The following MR1 variants were observed in gnomAD, a reference collection of about 807,000 sequenced individuals.
MR1 encodes major histocompatibility complex class I-related protein 1.
Under a neutral mutation model 37.8 loss-of-function variants are expected in MR1, and 44 were observed. The ratio of observed to expected loss-of-function variants is 1.16; its 90% CI spans 0.91 to 1.50. MR1 has a LOEUF of 1.50. Ranked by LOEUF, MR1 falls within the 40% of genes most tolerant of loss-of-function variation. The pLI, the probability that MR1 is intolerant of heterozygous loss-of-function variation, is 0.00. For synonymous variants in MR1, 153 were observed against 155.8 expected (o/e 0.98, Z 0.13); for missense variants, 386 against 419.1 (o/e 0.92, Z 0.69).
In MR1 at chr1:181,049,106, T is replaced by C. The variant is rs748756797; in HGVS notation, c.122T>C (p.Val41Ala). 2.5e-6 allele frequency: 4 copies of C among 1,613,922 alleles called. No homozygotes were observed. Among genetic ancestry groups the C allele is most frequent in the African/African-American group, 2.7e-5 (2 of 74,908 alleles). ...GGCGTTTCGGATCCCATCCATGGGG[T>C]CCCTGAATTTATTTCGGTTGGGTAC... is the stretch of plus-strand genomic sequence containing the variant. ...RLGVSDPIHG[V>A]PEFISVGYVD... The change falls in exon 2 of 6, where the codon GTC becomes GCC. Residue 41 changes from valine (V) to alanine (A), a missense_variant. Physicochemically the swap from Val to Ala is moderately conservative, Grantham distance 64. Transcript: ENST00000367580.
upstream of MR1, chr1:181,033,743 T>A (rs997257853): frequency 2.9e-6 from 1 of 343,110 alleles, no homozygotes; most frequent in Non-Finnish European, 5.3e-6. Flanking sequence ...TGAACATGAC[T>A]ATGCTCCATA....
chr1:181,036,179 C>T (rs1479051317), intron 1 of MR1, among the ~76,000 whole-genome samples: 1 of 152,128 alleles, frequency 6.6e-6, no homozygotes, highest in East Asian at 1.9e-4. Flanking sequence ...CTGAATAACC[C>T]CTTCTTCATG....
At chr1:181,045,518 C>A (rs1657804184) in intron 1 of MR1, among the ~76,000 whole-genome samples, 1 of 152,086 alleles carries the variant, frequency 6.6e-6, no homozygotes, top group South Asian at 2.1e-4. Flanking sequence ...CCCTGCTCCC[C>A]CTGCCCGCCC....
intron 5 of MR1, among the ~76,000 whole-genome samples, chr1:181,054,232 C>T (rs1658482610): frequency 6.6e-6 from 1 of 152,162 alleles, no homozygotes; most frequent in Non-Finnish European, 1.5e-5. Flanking sequence ...TGTGGAATAA[C>T]ATAAATTCAT....
intron 1 of MR1, among the ~76,000 whole-genome samples, chr1:181,041,124 G>C (rs151042464): frequency 1.4e-5 from 2 of 146,990 alleles, no homozygotes; most frequent in Non-Finnish European, 3.0e-5. Flanking sequence ...AATAAATAAA[G>C]CACAATACTT....
At chr1:181,040,294 G>T (rs1657491145) in intron 1 of MR1, among the ~76,000 whole-genome samples, 1 of 152,196 alleles carries the variant, frequency 6.6e-6, no homozygotes, top group Non-Finnish European at 1.5e-5. Flanking sequence ...TAGATCAAAT[G>T]ATATGAAATT....
chr1:181,049,529 A>T, intron 2 of MR1: 1 of 582,704 alleles, frequency 1.7e-6, no homozygotes, highest in South Asian at 2.2e-5. Flanking sequence ...TGCCCCACCC[A>T]CTCTTCCCCA....
chr1:181,040,453 T>A (rs1291308757), intron 1 of MR1, among the ~76,000 whole-genome samples: 1 of 152,204 alleles, frequency 6.6e-6, no homozygotes, highest in African/African-American at 2.4e-5. Flanking sequence ...TTTCCTCATC[T>A]TTTCTGTTGT....
At chr1:181,052,739 A>C (rs1013213849) in intron 4 of MR1, among the ~76,000 whole-genome samples, 2 of 152,188 alleles carry the variant, frequency 1.3e-5, no homozygotes, top group African/African-American at 4.8e-5. Context: ...GGTTATATCT[A>C]TTGCTATTTA....
chr1:181,049,377 G>A, intron 2 of MR1, 65 bp downstream of exon 2: 8 of 1,533,398 alleles, frequency 5.2e-6, no homozygotes, highest in Non-Finnish European at 7.0e-6. Flanking sequence ...CCCCTGGGCT[G>A]GCCTCCAATA....
At chr1:181,045,905 G>A (rs1657830106) in intron 1 of MR1, among the ~76,000 whole-genome samples, 2 of 152,242 alleles carry the variant, frequency 1.3e-5, no homozygotes, top group South Asian at 2.1e-4. Flanking sequence ...GTGGGCGTGG[G>A]CTTGGCGGGC....
At chr1:181,040,529 A>C (rs1450476280) in intron 1 of MR1, among the ~76,000 whole-genome samples, 1 of 152,200 alleles carries the variant, frequency 6.6e-6, no homozygotes, top group South Asian at 2.1e-4. Flanking sequence ...TTAAAGGCCC[A>C]GCTAAGGAGC....
intron 1 of MR1, among the ~76,000 whole-genome samples, chr1:181,045,209 G>T (rs1431602737): frequency 1.3e-5 from 2 of 152,194 alleles, no homozygotes; most frequent in African/African-American, 4.8e-5. Flanking sequence ...GGGTTTTGAG[G>T]ACTGGGAAGG....
intron 1 of MR1, among the ~76,000 whole-genome samples, chr1:181,038,560 A>G (rs966293596): frequency 7.2e-5 from 11 of 152,240 alleles, no homozygotes; most frequent in Non-Finnish European, 1.5e-4. Context: ...GAAGGTCTGG[A>G]GCCTGTGGCC....
intron 1 of MR1, among the ~76,000 whole-genome samples, chr1:181,040,866 T>G (rs779633718): frequency 6.6e-6 from 1 of 151,436 alleles, no homozygotes; most frequent in Non-Finnish European, 1.5e-5. Flanking sequence ...GGGGGAATCA[T>G]GAGGTAGGAG....
intron 1 of MR1, 142 bp downstream of exon 1, chr1:181,034,216 C>T: frequency 1.6e-6 from 1 of 643,244 alleles, no homozygotes; most frequent in Admixed American, 3.7e-5. Context: ...ACTCCAGGAG[C>T]AATGGATTGC....
At position 181,057,407 on chromosome 1, in the gene MR1, T is replaced by G. The variant is rs1321430903; in HGVS notation, c.*2142T>G. ...CTTCTTACAATCAGAATAGTTAGGATGTAATATATTTTTGGGTGGGCATTT... is the reference window on the plus strand; with the variant it reads ...CTTCTTACAATCAGAATAGTTAGGAGGTAATATATTTTTGGGTGGGCATTT... On this transcript the variant is annotated 3_prime_UTR_variant, in exon 6 of 6. Coordinates refer to ENST00000367580, the MANE Select transcript of MR1 (RefSeq NM_001385161.1). 6.6e-6 allele frequency: 1 copy of G among 152,210 alleles called. No individual in the cohort carries two copies. Among genetic ancestry groups the G allele is most frequent in the African/African-American group, 2.4e-5 (1 of 41,458 alleles). 9.4% of individuals were successfully genotyped at this position (152,210 alleles called of 1,614,324 possible). A position where few individuals can be genotyped will look rare whatever the true frequency, so the allele number is the denominator to read the frequency against.
At chr1:181,046,550 C>G (rs555485423) in intron 1 of MR1, among the ~76,000 whole-genome samples, 1 of 152,184 alleles carries the variant, frequency 6.6e-6, no homozygotes, top group African/African-American at 2.4e-5. Flanking sequence ...GGATGGTAAA[C>G]GCACCAATCA....
intron 1 of MR1, among the ~76,000 whole-genome samples, chr1:181,034,696 C>G (rs530271476): frequency 3.0e-4 from 46 of 152,222 alleles, no homozygotes; most frequent in Non-Finnish European, 5.7e-4. Context: ...CTGCCCTAAT[C>G]ACTTGCTCCC....
Sources: allele counts gnomAD v4.1 joint callset (sites outside exome capture counted in the v4.1 genomes callset), GRCh38; gene constraint gnomAD v4.1.1; transcripts MANE v1.5; gene names NCBI Gene and HGNC (gene_info 2026-07-23, HGNC 2026-07-21).